Variants in IMMP2L observed in about 807,000 individuals in gnomAD.
IMMP2L encodes the protein inner mitochondrial membrane peptidase subunit 2.
Under a neutral mutation model 19.3 loss-of-function variants are expected in IMMP2L, and 18 were observed. The ratio of observed to expected loss-of-function variants is 0.93; its 90% confidence interval spans 0.64 to 1.38. IMMP2L has a LOEUF of 1.38. IMMP2L is among the 40% of genes most tolerant of loss of function. The probability of loss-of-function intolerance (pLI) is 0.00; values close to 1 mark genes in which losing one functional copy is unlikely to be tolerated. For missense variants in IMMP2L, 233 were observed against 218.2 expected, an observed-to-expected ratio of 1.07 and a Z score of -0.43; for synonymous variants, 76 against 73.0, an observed-to-expected ratio of 1.04 and a Z score of -0.21.
chr7:110,698,920 T>C (rs558042451), intron 5 of IMMP2L, among the ~76,000 whole-genome samples: 1 of 151,794 alleles, frequency 6.6e-6, no homozygotes, highest in East Asian at 1.9e-4. Flanking sequence ...TGAATTCTTA[T>C]TTTTTAAGTA....
intron 5 of IMMP2L, among the ~76,000 whole-genome samples, chr7:110,854,234 T>C (rs1806523602): frequency 6.6e-6 from 1 of 151,954 alleles, no homozygotes; most frequent in African/African-American, 2.4e-5. Context: ...ATATTTTCCA[T>C]TTAAATTTTT....
intron 3 of IMMP2L, among the ~76,000 whole-genome samples, chr7:111,362,001 A>G (rs1000038629): frequency 2.0e-5 from 3 of 152,134 alleles, no homozygotes; most frequent in South Asian, 2.1e-4. Context: ...TTCATCATGA[A>G]TTTAAATGAT....
chr7:111,146,370 G>T (rs1306178047), intron 3 of IMMP2L, among the ~76,000 whole-genome samples: 1 of 151,856 alleles, frequency 6.6e-6, no homozygotes, highest in African/African-American at 2.4e-5. Context: ...TCACTTATCT[G>T]GATCAAGAAT....
intron 3 of IMMP2L, among the ~76,000 whole-genome samples, chr7:111,157,786 C>A (rs1226023408): frequency 1.3e-5 from 2 of 151,796 alleles, no homozygotes; most frequent in African/African-American, 4.8e-5. Flanking sequence ...TCCCATTTAC[C>A]CTGATGTGAT....
At chr7:111,196,824 T>C (rs975260285) in intron 3 of IMMP2L, among the ~76,000 whole-genome samples, 2 of 152,208 alleles carry the variant, frequency 1.3e-5, no homozygotes, top group Admixed American at 6.5e-5. Flanking sequence ...CTCATACTAT[T>C]TGCAGTTTTA....
chr7:111,012,184 T>C (rs1825036035), intron 3 of IMMP2L, among the ~76,000 whole-genome samples: 1 of 152,152 alleles, frequency 6.6e-6, no homozygotes, highest in Admixed American at 6.6e-5. Context: ...TCAGGTAAAA[T>C]TTGATATGGC....
intron 4 of IMMP2L, among the ~76,000 whole-genome samples, chr7:110,912,267 A>C (rs1435277903): frequency 6.6e-6 from 1 of 152,144 alleles, no homozygotes; most frequent in East Asian, 1.9e-4. Flanking sequence ...CTATTCAGCA[A>C]AAATAATTGC....
At chr7:111,429,013 G>A (rs189853042) in intron 3 of IMMP2L, among the ~76,000 whole-genome samples, 1 of 152,018 alleles carries the variant, frequency 6.6e-6, no homozygotes, top group Admixed American at 6.5e-5. Context: ...GGAGGTGGGT[G>A]GATGGACAGA....
chr7:111,333,961 T>C (rs560785691), intron 3 of IMMP2L, among the ~76,000 whole-genome samples: 1 of 152,202 alleles, frequency 6.6e-6, no homozygotes, highest in South Asian at 2.1e-4. Context: ...AAAACCCTGA[T>C]ACACTCTTCA....
At chr7:110,995,887 A>G (rs1031696238) in intron 3 of IMMP2L, among the ~76,000 whole-genome samples, 4 of 152,156 alleles carry the variant, frequency 2.6e-5, no homozygotes, top group Admixed American at 6.6e-5. Flanking sequence ...TCTACAGGTT[A>G]GGACATTATC....
At chr7:111,051,310 T>A (rs1792985430) in intron 3 of IMMP2L, among the ~76,000 whole-genome samples, 1 of 152,182 alleles carries the variant, frequency 6.6e-6, no homozygotes, top group South Asian at 2.1e-4. Flanking sequence ...GTTATTTTGT[T>A]TCTGAGACCA....
intron 5 of IMMP2L, among the ~76,000 whole-genome samples, chr7:110,823,401 A>G (rs1803206324): frequency 6.6e-6 from 1 of 151,994 alleles, no homozygotes. Flanking sequence ...AGATTATATT[A>G]CTCAACCCAA....
rs28623086 is a variant in IMMP2L at position 110,863,551 on chromosome 7, C to T, written c.408+23042G>A. On this transcript the variant is annotated intron_variant, in intron 5 of 5. Transcript: ENST00000405709. ...GTACTTTGAATTTTCATCTTTCCCC[C>T]GGCTAGCAATATGCTATATCAATAC... Among the ~76,000 whole-genome samples, 192 of 152,154 alleles carry T rather than the reference C, an allele frequency of 1.3e-3. 1 individual carries two copies. Among genetic ancestry groups the T allele is most frequent in the African/African-American group, 4.0e-3 (167 of 41,534 alleles).
At chr7:110,747,924 A>G (rs1002038809) in intron 5 of IMMP2L, among the ~76,000 whole-genome samples, 4 of 152,190 alleles carry the variant, frequency 2.6e-5, no homozygotes, top group African/African-American at 7.2e-5. Flanking sequence ...AAAGAAATAA[A>G]GGGTATTCAA....
At chr7:111,218,068 A>G (rs1236039381) in intron 3 of IMMP2L, among the ~76,000 whole-genome samples, 1 of 152,072 alleles carries the variant, frequency 6.6e-6, no homozygotes, top group Non-Finnish European at 1.5e-5. Flanking sequence ...TGATGGACAG[A>G]AAATTTGAAT....
chr7:110,905,079 T>C (rs1461016865), intron 4 of IMMP2L, among the ~76,000 whole-genome samples: 1 of 152,208 alleles, frequency 6.6e-6, no homozygotes. Flanking sequence ...CTTAGTTATG[T>C]GTTCACATTT....
chr7:110,823,965 T>C (rs1290362140), intron 5 of IMMP2L, among the ~76,000 whole-genome samples: 6 of 152,080 alleles, frequency 3.9e-5, no homozygotes, highest in Non-Finnish European at 7.4e-5. Flanking sequence ...CATTCAGTAA[T>C]TGCTTGGAGA....
Position 111,050,658 on chromosome 7 carries a change from T to G in IMMP2L, c.240-87093A>C, listed in dbSNP as rs1792920819. 2.0e-5 allele frequency among the ~76,000 whole-genome samples: 3 copies of G among 152,210 alleles called. No individual in the cohort carries two copies. In the South Asian group the frequency reaches 6.2e-4, roughly 32 times the overall value. ...GATTTTAGTAGTTTAAAGTCTCCGTTTCGGGGTGACTCAATGCAACTCTAA... is the reference window on the plus strand; with the variant it reads ...GATTTTAGTAGTTTAAAGTCTCCGTGTCGGGGTGACTCAATGCAACTCTAA... On this transcript the variant is annotated intron_variant, in intron 3 of 5. Coordinates refer to ENST00000405709, the MANE Select transcript of IMMP2L (RefSeq NM_032549.4).
chr7:110,955,019 C>A (rs975541680), intron 4 of IMMP2L, among the ~76,000 whole-genome samples: 1 of 151,988 alleles, frequency 6.6e-6, no homozygotes, highest in African/African-American at 2.4e-5. Context: ...ACTGTTTACA[C>A]AAATAATGCG....
Sources: gnomAD v4.1 joint callset for allele counts (sites outside exome capture counted in the v4.1 genomes callset) on GRCh38, gnomAD v4.1.1 for gene constraint, MANE v1.5 for transcripts, NCBI Gene and HGNC (gene_info 2026-07-23, HGNC 2026-07-21) for gene names.